Variants in PDE3B observed in about 807,000 individuals in gnomAD.
PDE3B encodes the protein phosphodiesterase 3B, also known as cGMP-inhibited 3',5'-cyclic phosphodiesterase 3B.
A neutral mutation model predicts 116.8 loss-of-function variants in PDE3B; 66 were observed. The observed-to-expected ratio is 0.56, with a 90% confidence interval of 0.46 to 0.69. The LOEUF (loss-of-function observed/expected upper bound fraction) is 0.69, where lower values mean the gene tolerates loss of function less well. PDE3B is among the 30% of genes least tolerant of loss of function. The pLI is 0.00. For missense variants in PDE3B, 1,384 were observed against 1,368.1 expected, an observed-to-expected ratio of 1.01 and a Z score of -0.18; for synonymous variants, 595 against 533.6, an observed-to-expected ratio of 1.12 and a Z score of -1.59.
intron 1 of PDE3B, chr11:14,674,283 C>T: frequency 9.1e-7 from 1 of 1,100,754 alleles, no homozygotes; most frequent in Admixed American, 1.7e-5. Flanking sequence ...CTGGGGCAGC[C>T]CCTATCGTCT....
chr11:14,715,301 T>G (rs925897669), intron 1 of PDE3B, among the ~76,000 whole-genome samples: 1 of 152,164 alleles, frequency 6.6e-6, no homozygotes, highest in South Asian at 2.1e-4. Flanking sequence ...GTGAAGAAAG[T>G]CATTGGTAGC....
At position 14,869,629 on chromosome 11, in the gene PDE3B, A is replaced by T; in HGVS notation, c.3308A>T (p.Gln1103Leu). 6.2e-7 allele frequency: 1 copy of T among 1,613,876 alleles called. No homozygotes were observed. Among genetic ancestry groups the T allele is most frequent in the Non-Finnish European group, 8.5e-7 (1 of 1,179,898 alleles). The part of the protein sequence containing the change: ...NSSLPQADEI[Q>L]VIEEADEEE ...TCCTTACCTCAAGCAGATGAGATTC[A>T]GGTAATTGAAGAGGCAGATGAAGAG... Residue 1103 changes from glutamine to leucine, a missense_variant, in exon 16 of 16, where the codon CAG becomes CTG. Coordinates refer to ENST00000282096, the MANE Select transcript of PDE3B (RefSeq NM_000922.4).
the PDE3B span, chr11:14,885,750 C>T: frequency 1.2e-6 from 2 of 1,608,368 alleles, no homozygotes; most frequent in Non-Finnish European, 1.7e-6. Context: ...CTTAGTAAAT[C>T]ACTAAATAGG....
intron 1 of PDE3B, among the ~76,000 whole-genome samples, chr11:14,659,224 G>T (rs1853813061): frequency 6.6e-6 from 1 of 152,178 alleles, no homozygotes; most frequent in African/African-American, 2.4e-5. Context: ...GAGGAGCATG[G>T]AATGATAATT....
At chr11:14,832,225 G>T (rs535516198) in intron 9 of PDE3B, among the ~76,000 whole-genome samples, 2 of 151,948 alleles carry the variant, frequency 1.3e-5, no homozygotes, top group Non-Finnish European at 2.9e-5. Flanking sequence ...TGATGGGTCC[G>T]CATAACAGCA....
At chr11:14,693,154 T>C (rs531388363) in intron 1 of PDE3B, among the ~76,000 whole-genome samples, 13 of 152,304 alleles carry the variant, frequency 8.5e-5, no homozygotes, top group African/African-American at 2.2e-4. Context: ...CTGTGAAGGC[T>C]GAGAGAAGTA....
intron 2 of PDE3B, among the ~76,000 whole-genome samples, chr11:14,777,425 C>G (rs1271491743): frequency 6.6e-6 from 1 of 152,074 alleles, no homozygotes; most frequent in Non-Finnish European, 1.5e-5. Flanking sequence ...GTATCAACCC[C>G]CTCAAAATCT....
At chr11:14,848,090 T>G (rs1847652312) in intron 12 of PDE3B, among the ~76,000 whole-genome samples, 1 of 147,242 alleles carries the variant, frequency 6.8e-6, no homozygotes, top group African/African-American at 2.5e-5. Flanking sequence ...AAATCCTCAA[T>G]AAAATACTGG....
rs149032467 is a variant in PDE3B, at chr11:14,787,552, A to G, written c.1278+867A>G. 1.4e-3 allele frequency among the ~76,000 whole-genome samples: 213 copies of G among 152,096 alleles called. 1 individual carries two copies. Among genetic ancestry groups the G allele is most frequent in the African/African-American group, 4.9e-3 (203 of 41,570 alleles). On this transcript the variant is annotated intron_variant, in intron 3 of 15. Transcript: ENST00000282096. The stretch of plus-strand genomic sequence containing the variant: ...GTTAATTTTATCAGTTGTCAGCATT[A>G]GGGTTTAGAAATGTTGAAAAGTTAA...
At chr11:14,845,131 C>T (rs7109324) in intron 12 of PDE3B, among the ~76,000 whole-genome samples, 98,451 of 151,606 alleles carry the variant, frequency 0.65, 32,217 homozygotes, top group Middle Eastern at 0.71. Context: ...GGTACTCCTC[C>T]GAGACAAAAC....
chr11:14,771,997 A>G lies in PDE3B; in HGVS notation c.1029+10A>G. On this transcript the variant is annotated intron_variant, in intron 2 of 15. Coordinates refer to ENST00000282096, the MANE Select transcript of PDE3B (RefSeq NM_000922.4). ...TAAGCCTCATTATCAAGTAAGTATAATTAATATCTGTGATGAATATCTAAA... is the reference window on the plus strand; with the variant it reads ...TAAGCCTCATTATCAAGTAAGTATAGTTAATATCTGTGATGAATATCTAAA... 9.0e-7 allele frequency: 1 copy of G among 1,113,890 alleles called. No individual in the cohort carries two copies. Among genetic ancestry groups the G allele is most frequent in the South Asian group, 1.5e-5 (1 of 66,176 alleles). The allele number at this position is 1,113,890 out of a possible 1,614,324, so 69.0% of individuals were successfully genotyped here.
downstream of PDE3B, among the ~76,000 whole-genome samples, chr11:14,873,846 T>A (rs1848166801): frequency 1.3e-5 from 2 of 152,152 alleles, no homozygotes; most frequent in African/African-American, 4.8e-5. Context: ...CTGCATTCTG[T>A]ATCTATTATT....
At chr11:14,793,397 G>A (rs936380553) in intron 4 of PDE3B, among the ~76,000 whole-genome samples, 13 of 152,030 alleles carry the variant, frequency 8.6e-5, no homozygotes, top group East Asian at 1.9e-4. Context: ...AATTTTATGC[G>A]TGAAACAAAG....
chr11:14,658,644 C>T (rs1308175311), intron 1 of PDE3B, among the ~76,000 whole-genome samples: 3 of 152,150 alleles, frequency 2.0e-5, no homozygotes, highest in Non-Finnish European at 4.4e-5. Context: ...CATGAGCCAC[C>T]GCGCCAGATG....
chr11:14,705,876 A>G (rs1359900198), intron 1 of PDE3B, among the ~76,000 whole-genome samples: 4 of 151,872 alleles, frequency 2.6e-5, no homozygotes, highest in African/African-American at 9.7e-5. Flanking sequence ...TCTGCTGTGT[A>G]TTACTGGGAA....
chr11:14,834,585 T>C (rs1169999304), intron 10 of PDE3B, among the ~76,000 whole-genome samples: 1 of 152,218 alleles, frequency 6.6e-6, no homozygotes, highest in African/African-American at 2.4e-5. Flanking sequence ...TTTCTGACCT[T>C]TTTGTGGGGG....
At chr11:14,671,565 T>C (rs1231822988) in intron 1 of PDE3B, among the ~76,000 whole-genome samples, 1 of 152,140 alleles carries the variant, frequency 6.6e-6, no homozygotes, top group Non-Finnish European at 1.5e-5. Context: ...GTATAATTTA[T>C]GTTTAAAAAA....
the PDE3B span, chr11:14,890,456 T>C: frequency 4.1e-6 from 4 of 982,524 alleles, no homozygotes; most frequent in Non-Finnish European, 4.8e-6. Context: ...CCAGCTTCCC[T>C]TTAACAACGT....
intron 1 of PDE3B, among the ~76,000 whole-genome samples, chr11:14,750,881 T>G (rs1474941399): frequency 6.6e-6 from 1 of 151,914 alleles, no homozygotes; most frequent in Non-Finnish European, 1.5e-5. Flanking sequence ...ATCTCATTCA[T>G]TTTTTTTAGG....
Sources: allele counts gnomAD v4.1 joint callset (sites outside exome capture counted in the v4.1 genomes callset), GRCh38; gene constraint gnomAD v4.1.1; transcripts MANE v1.5; gene names NCBI Gene and HGNC (gene_info 2026-07-23, HGNC 2026-07-21).